Variants in ZGRF1 observed in about 807,000 individuals in gnomAD.
ZGRF1 encodes the protein zinc finger GRF-type containing 1, also known as 5'-3' DNA helicase ZGRF1.
Under a neutral mutation model 203.5 loss-of-function variants are expected in ZGRF1, and 196 were observed. That is an observed-to-expected ratio of 0.96 (90% CI 0.86 to 1.08). The LOEUF (loss-of-function observed/expected upper bound fraction) is 1.08. Ranked by LOEUF, ZGRF1 falls within the 50% of genes least tolerant of loss-of-function variation. ZGRF1 has a pLI of 0.00. For synonymous variants in ZGRF1, 809 were observed against 841.3 expected, an observed-to-expected ratio of 0.96 and a Z score of 0.66; for missense variants, 2,326 against 2,416.3, an observed-to-expected ratio of 0.96 and a Z score of 0.78.
chr4:112,611,441 A>G (rs1386921878), intron 7 of ZGRF1, among the ~76,000 whole-genome samples: 1 of 152,172 alleles, frequency 6.6e-6, no homozygotes, highest in Non-Finnish European at 1.5e-5. Context: ...AGGCAAGTGA[A>G]ACATTCTACT....
At chr4:112,560,600 G>A in intron 19 of ZGRF1, 133 bp downstream of exon 19, 1 of 717,336 alleles carries the variant, frequency 1.4e-6, no homozygotes, top group Middle Eastern at 4.0e-4. Context: ...TACCAAAGTG[G>A]GTACAGGTTT....
Position 112,619,067 on chromosome 4 carries a change from G to C in ZGRF1, c.975C>G (p.Ser325Arg), listed in dbSNP as rs779850805. The C allele has an allele frequency of 1.2e-6, 2 of 1,613,782 alleles. No homozygotes were observed. The highest frequency in any genetic ancestry group is 2.2e-5 in the South Asian group (2 of 91,062). ...GTGAGGATAAATACATGGCCCACCG[G>C]CTTTTATTTCTCATGGTATTTTCTG... ...HQSENTMRNKSRWAMYLSSQS... is the reference protein window; with the variant it reads ...HQSENTMRNKRRWAMYLSSQS... Residue 325 changes from serine to arginine, a missense_variant, in exon 6 of 28, where the codon AGC becomes AGG. Coordinates refer to ENST00000505019, the MANE Select transcript of ZGRF1 (RefSeq NM_018392.5).
At chr4:112,556,250 G>A (rs1311029918) in intron 20 of ZGRF1, among the ~76,000 whole-genome samples, 1 of 152,074 alleles carries the variant, frequency 6.6e-6, no homozygotes, top group Non-Finnish European at 1.5e-5. Flanking sequence ...ATCAGAAATG[G>A]ATACAGAGTT....
intron 18 of ZGRF1, chr4:112,562,142 C>G (rs1176033148): frequency 2.7e-6 from 1 of 373,838 alleles, no homozygotes; most frequent in Non-Finnish European, 5.1e-6. Context: ...CTCCCGACCT[C>G]TGGTGATCTG....
intron 16 of ZGRF1, among the ~76,000 whole-genome samples, chr4:112,571,580 C>A (rs78291766): frequency 0.014 from 2,116 of 151,762 alleles, 16 homozygotes; most frequent in Middle Eastern, 0.044. Flanking sequence ...GACAAGGTCT[C>A]ACTATGTTGC....
In ZGRF1 at chr4:112,619,065, C is replaced by A. The variant is rs535674967; in HGVS notation, c.977G>T (p.Arg326Leu). The A allele has an allele frequency of 3.1e-6, 5 of 1,613,890 alleles. No homozygotes were observed. The highest frequency in any genetic ancestry group is 2.5e-6 in the Non-Finnish European group (3 of 1,179,928). ...CTGTGAGGATAAATACATGGCCCAC[C>A]GGCTTTTATTTCTCATGGTATTTTC... ...QSENTMRNKSRWAMYLSSQSS... is the reference protein window; with the variant it reads ...QSENTMRNKSLWAMYLSSQSS... Residue 326 changes from arginine (R) to leucine (L), a missense_variant, in exon 6 of 28, where the codon CGG becomes CTG. Transcript: ENST00000505019.
chr4:112,582,519 C>G (rs974226255), intron 15 of ZGRF1, among the ~76,000 whole-genome samples: 1 of 152,074 alleles, frequency 6.6e-6, no homozygotes, highest in African/African-American at 2.4e-5. Flanking sequence ...GTGGCATGAC[C>G]TTGGCTCACT....
chr4:112,558,206 C>T lies in ZGRF1; in HGVS notation c.5064G>A (p.Pro1688=), dbSNP rs749205371. Residue 1688 remains proline, a synonymous_variant, in exon 20 of 28, where the codon CCG becomes CCA. Coordinates refer to ENST00000505019, the MANE Select transcript of ZGRF1 (RefSeq NM_018392.5). ...SEAPTIGNAR[P]WKLLISSSTN... is the part of the protein sequence containing the mutation. ...TAGAAGAAGAAATCAGAAGTTTCCACGGCCTTGCATTTCCAATGGTGGGAG... is the reference window on the plus strand; with the variant it reads ...TAGAAGAAGAAATCAGAAGTTTCCATGGCCTTGCATTTCCAATGGTGGGAG... 1.5e-5 allele frequency: 24 copies of T among 1,608,622 alleles called. No individual in the cohort carries two copies. Among genetic ancestry groups the T allele is most frequent in the East Asian group, 6.7e-5 (3 of 44,466 alleles).
Position 112,606,012 on chromosome 4 carries a change from G to T in ZGRF1, c.2798C>A (p.Pro933His). Reference protein sequence around the residue: ...PKQIERKTCDPKPVEFQGHQV... With the variant: ...PKQIERKTCDHKPVEFQGHQV... ...GATGTTCTTCACAAATTTTACCTTAGGGTCACAGGTTTTTCTCTCTATTTG... is the reference window on the plus strand; with the variant it reads ...GATGTTCTTCACAAATTTTACCTTATGGTCACAGGTTTTTCTCTCTATTTG... The change falls in exon 9 of 28, where the codon CCT becomes CAT. Residue 933 changes from proline (P) to histidine (H), a missense_variant. Coordinates refer to ENST00000505019, the MANE Select transcript of ZGRF1 (RefSeq NM_018392.5). 1 of 1,583,250 alleles carries T rather than the reference G, an allele frequency of 6.3e-7. No homozygotes were observed. The highest frequency in any genetic ancestry group is 1.1e-5 in the South Asian group (1 of 87,068).
chr4:112,574,877 T>A (rs887149789), intron 16 of ZGRF1, among the ~76,000 whole-genome samples: 2 of 151,924 alleles, frequency 1.3e-5, no homozygotes, highest in African/African-American at 4.8e-5. Flanking sequence ...AATACAAAAA[T>A]TAGCTGGATG....
chr4:112,588,430 A>G (rs1002358636), intron 11 of ZGRF1, among the ~76,000 whole-genome samples: 4 of 152,148 alleles, frequency 2.6e-5, no homozygotes, highest in South Asian at 2.1e-4. Flanking sequence ...CTTCCTTTAT[A>G]TATTTTTACA....
chr4:112,587,697 T>C lies in ZGRF1; in HGVS notation c.3360A>G (p.Glu1120=), dbSNP rs1338801803. ...SFSIEPEDQN[E]TFFSEESREV... ...CCCTAGATTCTTCAGAGAAAAAGGT[T>C]TCATTTTGGTCCTCAGGCTCAATGC... Residue 1120 remains glutamate, a synonymous_variant, in exon 12 of 28, where the codon GAA becomes GAG. Transcript: ENST00000505019. 6.2e-7 allele frequency: 1 copy of C among 1,605,942 alleles called. No homozygotes were observed. Among genetic ancestry groups the C allele is most frequent in the Non-Finnish European group, 8.5e-7 (1 of 1,175,480 alleles).
chr4:112,586,776 C>G (rs1005835199), intron 12 of ZGRF1, among the ~76,000 whole-genome samples, 193 bp from the exon 13 acceptor site: 1 of 151,846 alleles, frequency 6.6e-6, no homozygotes, highest in African/African-American at 2.4e-5. Flanking sequence ...CAATTTTAAC[C>G]CTATATAAGA....
chr4:112,588,052 AT>A (rs1747530422), intron 11 of ZGRF1, 123 bp from the exon 12 acceptor site: 2 of 338,690 alleles, frequency 5.9e-6, no homozygotes, highest in Non-Finnish European at 8.3e-6. Context: ...AAATCACATT[AT>A]TTTATTTCCT....
At chr4:112,612,669 C>T in intron 6 of ZGRF1, 81 bp from the exon 7 acceptor site, 1 of 832,764 alleles carries the variant, frequency 1.2e-6, no homozygotes, top group Non-Finnish European at 1.9e-6. Flanking sequence ...AAAACCAAAA[C>T]AAGGAATATA....
intron 7 of ZGRF1, chr4:112,610,881 C>A: frequency 1.3e-5 from 3 of 223,000 alleles, no homozygotes; most frequent in Middle Eastern, 9.1e-4. Flanking sequence ...GATAATACAA[C>A]GATATTAAGG....
chr4:112,619,543 T>C lies in ZGRF1; in HGVS notation c.499A>G (p.Lys167Glu). Residue 167 changes from lysine (K) to glutamate (E), a missense_variant, in exon 6 of 28, where the codon AAA (lysine) becomes GAA (glutamate). Physicochemically the swap from Lys to Glu is moderately conservative, Grantham distance 56. Coordinates refer to ENST00000505019, the MANE Select transcript of ZGRF1 (RefSeq NM_018392.5). Reference protein sequence around the residue: ...MPPLFPTVGKKDVNNILADPE... With the variant: ...MPPLFPTVGKEDVNNILADPE... ...TCTGCCAGTATATTATTTACATCTT[T>C]CTTGCCAACAGTAGGAAACAAAGGA... 1 of 1,614,080 alleles carries C rather than the reference T, an allele frequency of 6.2e-7. No individual in the cohort carries two copies. Among genetic ancestry groups the C allele is most frequent in the South Asian group, 1.1e-5 (1 of 91,074 alleles).
chr4:112,545,163 C>T (rs1399902180), intron 24 of ZGRF1, among the ~76,000 whole-genome samples: 1 of 151,602 alleles, frequency 6.6e-6, no homozygotes, highest in East Asian at 1.9e-4. Context: ...AAATTAAGAA[C>T]TTTTGTGCAT....
intron 16 of ZGRF1, among the ~76,000 whole-genome samples, chr4:112,570,769 TAAAAC>T (rs778324003): frequency 2.6e-5 from 4 of 151,704 alleles, no homozygotes; most frequent in Admixed American, 6.6e-5. Flanking sequence ...ATGGAAAACT[TAAAAC>T]AAACTGAATT....
Sources: gnomAD v4.1 joint callset for allele counts (sites outside exome capture counted in the v4.1 genomes callset) on GRCh38, gnomAD v4.1.1 for gene constraint, MANE v1.5 for transcripts, NCBI Gene and HGNC (gene_info 2026-07-23, HGNC 2026-07-21) for gene names.